The following PROSER1 variants were observed in gnomAD, a reference collection of about 807,000 sequenced individuals.
The protein encoded by PROSER1 is proline and serine rich 1, also known as proline and serine-rich protein 1.
A neutral mutation model predicts 71.8 loss-of-function variants in PROSER1; 36 were observed. The observed-to-expected ratio is 0.50, with a 90% confidence interval of 0.38 to 0.66. The LOEUF is 0.66. Ranked by LOEUF, PROSER1 falls within the 30% of genes least tolerant of loss-of-function variation. PROSER1 has a pLI of 0.00. For missense variants in PROSER1, 1,107 were observed against 1,135.0 expected (o/e 0.98, Z 0.35); for synonymous variants, 490 against 452.4 (o/e 1.08, Z -1.06).
intron 2 of PROSER1, among the ~76,000 whole-genome samples, chr13:39,032,637 T>C (rs1188810569): frequency 3.9e-5 from 6 of 152,322 alleles, no homozygotes; most frequent in Non-Finnish European, 7.4e-5. Context: ...TTATGTATAC[T>C]TTCCAGTTAA....
In PROSER1 at chr13:39,029,383, T is replaced by C. The variant is rs749184683; in HGVS notation, c.181-8A>G. The C allele has an allele frequency of 3.6e-6, 5 of 1,392,178 alleles. No individual in the cohort carries two copies. The highest frequency in any genetic ancestry group is 4.8e-6 in the Non-Finnish European group (5 of 1,050,042). 86.2% of individuals were successfully genotyped at this position (1,392,178 alleles called of 1,614,324 possible). On this transcript the variant is annotated splice_region_variant and splice_polypyrimidine_tract_variant and intron_variant, in intron 3 of 12. Coordinates refer to ENST00000352251, the MANE Select transcript of PROSER1 (RefSeq NM_025138.5). ...CTGGACAGCCACCATTTTCTGTTGA[T>C]ATAAAAAATAATTTTATTTTTAACG...
intron 11 of PROSER1, 23 bp downstream of exon 11, chr13:39,012,668 C>A (rs773425453): frequency 6.8e-7 from 1 of 1,478,546 alleles, no homozygotes; most frequent in Admixed American, 2.3e-5. Flanking sequence ...TAATTTTATC[C>A]TATTTCCAAA....
chr13:39,023,666 TGTTA>T (rs1397893561), intron 7 of PROSER1: 1 of 152,638 alleles, frequency 6.6e-6, no homozygotes, highest in Non-Finnish European at 1.5e-5. Flanking sequence ...GAATTCAGTA[TGTTA>T]GTTGTTCTGC....
rs996408271 is a variant in PROSER1, at chr13:39,031,790, T to C, written c.112-159A>G. Reference sequence around the variant, plus strand: ...CTGTGCTAACAGAATAGCTATTATATAGTTATATACATTTAAATAACTTAA... The same window carrying C: ...CTGTGCTAACAGAATAGCTATTATACAGTTATATACATTTAAATAACTTAA... On this transcript the variant is annotated intron_variant, in intron 2 of 12. Transcript: ENST00000352251. 5 of 611,532 alleles carry C rather than the reference T, an allele frequency of 8.2e-6. No individual in the cohort carries two copies. The Admixed American group carries it at 9.4e-5, about 11-fold the overall frequency. The allele number at this position is 611,532 out of a possible 1,614,324, so 37.9% of individuals were successfully genotyped here. A position where few individuals can be genotyped will look rare whatever the true frequency, so the allele number is the denominator to read the frequency against.
chr13:39,024,323 T>C, intron 7 of PROSER1, 150 bp downstream of exon 7: 1 of 581,746 alleles, frequency 1.7e-6, no homozygotes, highest in Non-Finnish European at 3.1e-6. Context: ...TAAATATTTA[T>C]GTTTCCCTCA....
intron 1 of PROSER1, among the ~76,000 whole-genome samples, 181 bp downstream of exon 1, chr13:39,037,012 GTAACT>G (rs1871145532): frequency 1.3e-5 from 2 of 152,244 alleles, no homozygotes; most frequent in South Asian, 4.1e-4. Context: ...TGGCGTTAAC[GTAACT>G]TAATTTCTAT....
intron 4 of PROSER1, chr13:39,028,957 A>G (rs1186782553): frequency 8.4e-6 from 1 of 118,720 alleles, no homozygotes; most frequent in Non-Finnish European, 1.7e-5. Flanking sequence ...GCACCTTGCC[A>G]AAAAAAAAAA....
At position 39,010,316 on chromosome 13, in the gene PROSER1, A is replaced by G. The variant is rs1331230788; in HGVS notation, c.*1049T>C. 6.6e-6 allele frequency: 1 copy of G among 152,652 alleles called. No homozygotes were observed. Among genetic ancestry groups the G allele is most frequent in the East Asian group, 1.9e-4 (1 of 5,198 alleles). The allele number at this position is 152,652 out of a possible 1,614,324, so 9.5% of individuals were successfully genotyped here. On this transcript the variant is annotated 3_prime_UTR_variant, in exon 13 of 13. Coordinates refer to ENST00000352251, the MANE Select transcript of PROSER1 (RefSeq NM_025138.5). ...ACTTCTAGATCCTGAAATGTACTACAGTAGAGTCTATAGTTTACACTTTTA... is the reference window on the plus strand; with the variant it reads ...ACTTCTAGATCCTGAAATGTACTACGGTAGAGTCTATAGTTTACACTTTTA...
chr13:39,031,902 T>C (rs1870864039), intron 2 of PROSER1, among the ~76,000 whole-genome samples: 1 of 152,124 alleles, frequency 6.6e-6, no homozygotes, highest in African/African-American at 2.4e-5. Context: ...ATAACTACAA[T>C]AATGCACACT....
At chr13:39,022,941 G>T in intron 8 of PROSER1, 111 bp downstream of exon 8, 1 of 799,486 alleles carries the variant, frequency 1.3e-6, no homozygotes, top group Non-Finnish European at 2.1e-6. Context: ...GCTCACAGTA[G>T]CATTTCATAA....
Position 39,023,147 on chromosome 13 carries a change from A to G in PROSER1, c.565-17T>C. The G allele has an allele frequency of 6.3e-7, 1 of 1,590,542 alleles. No individual in the cohort carries two copies. The highest frequency in any genetic ancestry group is 1.3e-5 in the African/African-American group (1 of 74,472). On this transcript the variant is annotated splice_polypyrimidine_tract_variant and intron_variant, in intron 7 of 12. Transcript: ENST00000352251. ...TGAAGGAGGCTAAAACATGGGGGAA[A>G]ATACAGCAGTTAGAAGAAAATCAAG...
chr13:39,036,625 G>A (rs564882759), intron 1 of PROSER1, among the ~76,000 whole-genome samples: 4 of 152,128 alleles, frequency 2.6e-5, no homozygotes, highest in Non-Finnish European at 5.9e-5. Flanking sequence ...GCCTCAAAAA[G>A]CAGCAAAAAC....
intron 5 of PROSER1, among the ~76,000 whole-genome samples, chr13:39,026,731 G>T (rs1870563075): frequency 6.6e-6 from 1 of 152,064 alleles, no homozygotes; most frequent in Admixed American, 6.5e-5. Context: ...AAATGCCAAG[G>T]TCATGTTACA....
In PROSER1 at chr13:39,013,040, G is replaced by A; in HGVS notation, c.2212C>T (p.Leu738Phe). 1 of 1,614,148 alleles carries A rather than the reference G, an allele frequency of 6.2e-7. No homozygotes were observed. Among genetic ancestry groups the A allele is most frequent in the South Asian group, 1.1e-5 (1 of 91,076 alleles). ...GCTGCCGTTGAGCTAGGATGAGGGAGAGATGTGGAGGTGGCAGCGGTAGAT... is the reference window on the plus strand; with the variant it reads ...GCTGCCGTTGAGCTAGGATGAGGGAAAGATGTGGAGGTGGCAGCGGTAGAT... ...TSSTAATSTS[L>F]PHPSSTAAVL... Residue 738 changes from leucine to phenylalanine, a missense_variant, in exon 11 of 13, where the codon CTC becomes TTC. By Grantham distance (22) the Leu-to-Phe change is conservative. Coordinates refer to ENST00000352251, the MANE Select transcript of PROSER1 (RefSeq NM_025138.5).
chr13:39,012,298 T>G, intron 11 of PROSER1, 65 bp from the exon 12 acceptor site: 1 of 1,489,466 alleles, frequency 6.7e-7, no homozygotes, highest in Non-Finnish European at 9.3e-7. Context: ...GTTTCCATAT[T>G]TGTCAAATAC....
chr13:39,012,707 G>C lies in PROSER1; in HGVS notation c.2545C>G (p.Leu849Val), dbSNP rs763671481. The change falls in exon 11 of 13, where the codon CTT (leucine) becomes GTT (valine). Residue 849 changes from leucine to valine, a missense_variant. By Grantham distance (32) the Leu-to-Val change is conservative. Coordinates refer to ENST00000352251, the MANE Select transcript of PROSER1 (RefSeq NM_025138.5). ...SAFSSNFNSA[L>V]VAQAGLSSGL... is the part of the protein sequence containing the mutation. ...TCCACATACCCGGCTTGTGCAACAA[G>C]AGCGGAGTTGAAATTGGAACTGAAT... 21 of 1,587,246 alleles carry C rather than the reference G, an allele frequency of 1.3e-5. No individual in the cohort carries two copies. The highest frequency in any genetic ancestry group is 3.6e-5 in the Admixed American group (2 of 55,566).
At chr13:39,014,622 T>G in intron 10 of PROSER1, 146 bp from the exon 11 acceptor site, 1 of 664,052 alleles carries the variant, frequency 1.5e-6, no homozygotes, top group Non-Finnish European at 2.5e-6. Flanking sequence ...ATATCTAAAT[T>G]GCTGGGTTCC....
At chr13:39,029,883 CTTTAAGT>C (rs1161704006) in intron 3 of PROSER1, among the ~76,000 whole-genome samples, 1 of 152,078 alleles carries the variant, frequency 6.6e-6, no homozygotes, top group Non-Finnish European at 1.5e-5. Flanking sequence ...TACTGCAGAA[CTTTAAGT>C]CTTATTTTAA....
In PROSER1 at chr13:39,029,268, A is replaced by C. The variant is rs760124148; in HGVS notation, c.275+13T>G. The C allele has an allele frequency of 2.2e-6, 3 of 1,375,930 alleles. No homozygotes were observed. Among genetic ancestry groups the C allele is most frequent in the East Asian group, 2.5e-5 (1 of 39,634 alleles). The allele number at this position is 1,375,930 out of a possible 1,614,324, so 85.2% of individuals were successfully genotyped here. ...CAAGTAAAAAAAAAAAAAAAAAAAA[A>C]AGAAATACTTACGAGGCTAACAGTT... On this transcript the variant is annotated intron_variant, in intron 4 of 12. Coordinates refer to ENST00000352251, the MANE Select transcript of PROSER1 (RefSeq NM_025138.5).
Sources: gnomAD v4.1 joint callset for allele counts (sites outside exome capture counted in the v4.1 genomes callset) on GRCh38, gnomAD v4.1.1 for gene constraint, MANE v1.5 for transcripts, NCBI Gene and HGNC (gene_info 2026-07-23, HGNC 2026-07-21) for gene names.